The following ZNF85 variants were observed in gnomAD, a reference collection of about 807,000 sequenced individuals.
ZNF85 encodes the protein zinc finger protein 85, also known as zinc finger protein 85 (HPF4, HTF1).
In ZNF85, 50 loss-of-function variants were observed where a neutral mutation model predicts 53.9. The observed-to-expected ratio is 0.93, with a 90% CI of 0.74 to 1.17. The LOEUF (loss-of-function observed/expected upper bound fraction) is 1.17. ZNF85 is among the 50% of genes most tolerant of loss of function. The pLI is 0.00. For missense variants in ZNF85, 747 were observed against 688.5 expected (o/e 1.08, Z -0.95); for synonymous variants, 225 against 226.1 (o/e 1.00, Z 0.04).
At chr19:20,926,667 A>G (rs898699211) in intron 1 of ZNF85, 2 of 152,112 alleles carry the variant, frequency 1.3e-5, no homozygotes, top group African/African-American at 4.8e-5. Context: ...CACCCCAGCC[A>G]TGGAAGAAGT....
intron 3 of ZNF85, chr19:20,942,846 G>A: frequency 1.4e-6 from 1 of 698,592 alleles, no homozygotes. Context: ...CAAGATTTTG[G>A]CCCACTGCAG....
chr19:20,935,461 G>T (rs961276402), intron 3 of ZNF85, among the ~76,000 whole-genome samples: 6 of 152,112 alleles, frequency 3.9e-5, no homozygotes, highest in East Asian at 1.9e-4. Flanking sequence ...TCCATTGGGG[G>T]TTTTTTTGTT....
At chr19:20,933,739 A>G (rs1175385389) in intron 1 of ZNF85, among the ~76,000 whole-genome samples, 2 of 152,278 alleles carry the variant, frequency 1.3e-5, no homozygotes, top group Admixed American at 6.5e-5. Context: ...ATTTTATACT[A>G]TATCATCCAG....
intron 1 of ZNF85, among the ~76,000 whole-genome samples, chr19:20,925,555 T>G (rs73005106): frequency 0.1 from 15,561 of 152,042 alleles, 885 homozygotes; most frequent in Middle Eastern, 0.13. Context: ...CCCTGGATTC[T>G]CTAAGATTTG....
At position 20,944,347 on chromosome 19, in the gene ZNF85, C is replaced by G. The variant is rs555987107; in HGVS notation, c.230-4397C>G. 2.0e-5 allele frequency: 3 copies of G among 151,818 alleles called. No individual in the cohort carries two copies. The South Asian group carries it at 6.2e-4, about 31-fold the overall frequency. The allele number at this position is 151,818 out of a possible 1,614,324, so 9.4% of individuals were successfully genotyped here. On this transcript the variant is annotated intron_variant, in intron 3 of 3. Coordinates refer to ENST00000328178, the MANE Select transcript of ZNF85 (RefSeq NM_003429.5). ...AAACTGTAGGATTTACAGGCATGAGCCACTGCCTGGCAACCATGTAGCAGT... is the reference window on the plus strand; with the variant it reads ...AAACTGTAGGATTTACAGGCATGAGGCACTGCCTGGCAACCATGTAGCAGT...
chr19:20,923,322 C>T lies in ZNF85; in HGVS notation c.-79C>T. On this transcript the variant is annotated 5_prime_UTR_variant, in exon 1 of 4. Coordinates refer to ENST00000328178, the MANE Select transcript of ZNF85 (RefSeq NM_003429.5). ...GCTTTGTGTTTTCTGCTCGTGGACG[C>T]CCAGCCTCTGTGGCCCTGTGGCCTG... 6.2e-7 allele frequency: 1 copy of T among 1,609,002 alleles called. No individual in the cohort carries two copies.
At chr19:20,930,120 C>CAAA (rs57832039) in intron 1 of ZNF85, among the ~76,000 whole-genome samples, 5,742 of 76,846 alleles carry the variant, frequency 0.075, 21 homozygotes, top group East Asian at 0.094. Flanking sequence ...GACTCCGTCC[C>CAAA]AAAAAAAAAA....
intron 3 of ZNF85, among the ~76,000 whole-genome samples, chr19:20,940,548 T>A (rs1424754655): frequency 1.4e-5 from 2 of 147,320 alleles, no homozygotes; most frequent in African/African-American, 4.9e-5. Context: ...AAAAAAAAAA[T>A]AGCTTTATAT....
chr19:20,944,152 T>TAGAG (rs142844272), intron 3 of ZNF85: 17,575 of 159,180 alleles, frequency 0.11, 1,014 homozygotes, highest in Middle Eastern at 0.13. Flanking sequence ...ATATATTTAA[T>TAGAG]AGTTTTTTAT....
chr19:20,925,455 C>CA (rs71174767), intron 1 of ZNF85, among the ~76,000 whole-genome samples: 19,530 of 97,048 alleles, frequency 0.2, 1,443 homozygotes, highest in Middle Eastern at 0.27. Context: ...AGACTGTATA[C>CA]AAAAAAAAAA....
At chr19:20,941,509 C>T (rs547814246) in intron 3 of ZNF85, among the ~76,000 whole-genome samples, 2 of 152,160 alleles carry the variant, frequency 1.3e-5, no homozygotes, top group South Asian at 2.1e-4. Flanking sequence ...GTGATCCACC[C>T]GTCTCAGCCT....
chr19:20,934,642 ACCTGTAGT>A (rs371063738), intron 2 of ZNF85, among the ~76,000 whole-genome samples: 1,652 of 151,728 alleles, frequency 0.011, 26 homozygotes, highest in African/African-American at 0.032. Flanking sequence ...GGTGGCAGGC[ACCTGTAGT>A]CCTGTAGTCC....
At chr19:20,935,678 G>A (rs1346235850) in intron 3 of ZNF85, among the ~76,000 whole-genome samples, 3 of 142,962 alleles carry the variant, frequency 2.1e-5, no homozygotes, top group Non-Finnish European at 4.5e-5. Context: ...TTTTTATTTC[G>A]CTCTTGTTAC....
At chr19:20,945,317 C>G (rs1052568582) in intron 3 of ZNF85, among the ~76,000 whole-genome samples, 3 of 152,194 alleles carry the variant, frequency 2.0e-5, no homozygotes, top group Admixed American at 6.5e-5. Context: ...CCAAACACCA[C>G]TCTGTTTTCC....
chr19:20,946,425 C>T (rs1287798631), intron 3 of ZNF85: 3 of 339,136 alleles, frequency 8.8e-6, no homozygotes, highest in African/African-American at 4.5e-5. Flanking sequence ...TTACCTGTTG[C>T]CTTCTAATAT....
intron 3 of ZNF85, among the ~76,000 whole-genome samples, chr19:20,936,320 T>C (rs112623621): frequency 0.012 from 1,802 of 152,328 alleles, 28 homozygotes; most frequent in African/African-American, 0.034. Context: ...TGCCACATAC[T>C]TCCAGTGCTA....
In ZNF85 at chr19:20,935,846, G is replaced by A. The variant is rs116259113; in HGVS notation, c.229+799G>A. Among the ~76,000 whole-genome samples the A allele has an allele frequency of 1.6e-3, 249 of 151,936 alleles. 3 individuals carry two copies. The highest frequency in any genetic ancestry group is 5.7e-3 in the African/African-American group (236 of 41,462). Reference sequence around the variant, plus strand: ...ATTACAGGCGTGAGCCACCATGCCTGGCCACCACTAGAATTTTGATAGGGA... The same window carrying A: ...ATTACAGGCGTGAGCCACCATGCCTAGCCACCACTAGAATTTTGATAGGGA... On this transcript the variant is annotated intron_variant, in intron 3 of 3. Transcript: ENST00000328178.
At chr19:20,933,766 C>T (rs141001960) in intron 1 of ZNF85, among the ~76,000 whole-genome samples, 1,818 of 152,172 alleles carry the variant, frequency 0.012, 32 homozygotes, top group African/African-American at 0.035. Flanking sequence ...ATCATGTATA[C>T]ACTGGTATTG....
Position 20,923,277 on chromosome 19 carries a change from C to A in ZNF85, c.-124C>A. 6.7e-7 allele frequency: 1 copy of A among 1,487,996 alleles called. No individual in the cohort carries two copies. The highest frequency in any genetic ancestry group is 1.2e-5 in the South Asian group (1 of 85,632). 92.2% of individuals were successfully genotyped at this position (1,487,996 alleles called of 1,614,324 possible). A position where few individuals can be genotyped will look rare whatever the true frequency, so the allele number is the denominator to read the frequency against. ...CCTTTGTCTCTCGCTGCAGCCTGAG[C>A]TCTAGGTCTTGTTTTCCCTGCTTTG... On this transcript the variant is annotated 5_prime_UTR_variant, in exon 1 of 4. Transcript: ENST00000328178.
Sources: gnomAD v4.1 joint callset for allele counts (sites outside exome capture counted in the v4.1 genomes callset) on GRCh38, gnomAD v4.1.1 for gene constraint, MANE v1.5 for transcripts, NCBI Gene and HGNC (gene_info 2026-07-23, HGNC 2026-07-21) for gene names.